The following SP4 variants were observed in gnomAD, a reference collection of about 807,000 sequenced individuals.
SP4 encodes the protein Sp4 transcription factor.
A neutral mutation model predicts 72.8 loss-of-function variants in SP4; 19 were observed. That is an observed-to-expected ratio of 0.26 (90% confidence interval 0.18 to 0.38). SP4 has a LOEUF of 0.38. Ranked by LOEUF, SP4 falls within the 10% of genes least tolerant of loss-of-function variation. The pLI, the probability that SP4 is intolerant of heterozygous loss-of-function variation, is 1.00. For missense variants in SP4, 1,008 were observed against 926.3 expected, an observed-to-expected ratio of 1.09 and a Z score of -1.14; for synonymous variants, 395 against 333.1, an observed-to-expected ratio of 1.19 and a Z score of -2.02.
At chr7:21,447,020 G>A (rs2128396861) in intron 3 of SP4, among the ~76,000 whole-genome samples, 1 of 152,270 alleles carries the variant, frequency 6.6e-6, no homozygotes, top group East Asian at 1.9e-4. Context: ...CACATGTCCA[G>A]CCTTCAGCAA....
At chr7:21,496,390 T>C (rs1583443522) in intron 5 of SP4, among the ~76,000 whole-genome samples, 1 of 152,216 alleles carries the variant, frequency 6.6e-6, no homozygotes, top group East Asian at 1.9e-4. Flanking sequence ...CATGCCTCAG[T>C]ATCAGGCAAA....
At chr7:21,509,099 G>T (rs1049458905) in intron 5 of SP4, among the ~76,000 whole-genome samples, 2 of 151,734 alleles carry the variant, frequency 1.3e-5, no homozygotes, top group Non-Finnish European at 2.9e-5. Flanking sequence ...TGTTGGCTTC[G>T]TCAGAATGTT....
chr7:21,476,228 C>T (rs28600359), intron 3 of SP4, among the ~76,000 whole-genome samples: 32,682 of 137,408 alleles, frequency 0.24, 3,835 homozygotes, highest in South Asian at 0.37. Context: ...GAGCCGAGAT[C>T]GTGCTACTGC....
rs781374282 is a variant in SP4 at position 21,430,210 on chromosome 7, A to G, written c.1045A>G (p.Ser349Gly). ...VSSADTGQYA[S>G]TSASSSERTI... ...CTCAGCAGATACTGGCCAGTATGCA[A>G]GCACATCAGCCAGTAGTTCTGAACG... Residue 349 changes from serine (S) to glycine (G), a missense_variant, in exon 3 of 6, where the codon AGC becomes GGC. Physicochemically the swap from Ser to Gly is moderately conservative, Grantham distance 56. Around this residue, in one of 3 missense-constraint regions of SP4, gnomAD observed 893 missense variants for 743.3 expected, o/e 1.20. Transcript: ENST00000222584. 1.2e-6 allele frequency: 2 copies of G among 1,614,198 alleles called. No individual in the cohort carries two copies. Among genetic ancestry groups the G allele is most frequent in the South Asian group, 1.1e-5 (1 of 91,086 alleles).
chr7:21,438,172 A>G lies in SP4; in HGVS notation c.1678+7329A>G, dbSNP rs113003337. Among the ~76,000 whole-genome samples the G allele has an allele frequency of 9.5e-4, 144 of 152,330 alleles. 2 individuals carry two copies. Among genetic ancestry groups the G allele is most frequent in the South Asian group, 4.3e-3 (21 of 4,830 alleles). On this transcript the variant is annotated intron_variant, in intron 3 of 5. Transcript: ENST00000222584. ...GATGTTCATCGGTCAAAGATTTTGT[A>G]GACTGCAGAAGAATTTCTTGTACCA...
chr7:21,464,631 A>G (rs1049932627), intron 3 of SP4, among the ~76,000 whole-genome samples: 1 of 149,018 alleles, frequency 6.7e-6, no homozygotes, highest in African/African-American at 2.5e-5. Flanking sequence ...CCCTGGCTAG[A>G]CTCAAACTCC....
intron 3 of SP4, among the ~76,000 whole-genome samples, chr7:21,444,955 C>T (rs1783375319): frequency 6.6e-6 from 1 of 152,092 alleles, no homozygotes; most frequent in South Asian, 2.1e-4. Flanking sequence ...TGCTCCACTC[C>T]TTGTGTTCTT....
chr7:21,437,696 C>T (rs1182089611), intron 3 of SP4, among the ~76,000 whole-genome samples: 2 of 152,114 alleles, frequency 1.3e-5, no homozygotes, highest in Admixed American at 1.3e-4. Context: ...GAATTACATA[C>T]CTACAAGGTA....
chr7:21,497,053 T>C (rs1781727630), intron 5 of SP4, among the ~76,000 whole-genome samples: 1 of 152,242 alleles, frequency 6.6e-6, no homozygotes, highest in East Asian at 1.9e-4. Context: ...TTTTGGTTAG[T>C]CTATTGTTTG....
intron 3 of SP4, among the ~76,000 whole-genome samples, chr7:21,440,828 C>T (rs1783217583): frequency 6.6e-6 from 1 of 152,048 alleles, no homozygotes; most frequent in African/African-American, 2.4e-5. Flanking sequence ...TCAGTCTGGG[C>T]AACAGAACGG....
intron 2 of SP4, 38 bp from the exon 3 acceptor site, chr7:21,429,251 T>TCCCCCCCCCCCCC: frequency 9.7e-7 from 1 of 1,026,092 alleles, no homozygotes; most frequent in Non-Finnish European, 1.4e-6. Flanking sequence ...CCACTTTTTT[T>TCCCCCCCCCCCCC]CCCCCCCCCC....
intron 5 of SP4, among the ~76,000 whole-genome samples, chr7:21,491,694 C>T (rs80056447): frequency 2.0e-5 from 3 of 152,222 alleles, no homozygotes; most frequent in Middle Eastern, 3.4e-3. Context: ...CAAATTATGG[C>T]GGATTTCTTC....
intron 3 of SP4, among the ~76,000 whole-genome samples, chr7:21,460,743 T>C (rs943444132): frequency 5.3e-5 from 8 of 152,172 alleles, no homozygotes; most frequent in African/African-American, 1.9e-4. Context: ...GTTCTCCACG[T>C]CACCACTAGA....
intron 5 of SP4, among the ~76,000 whole-genome samples, chr7:21,500,333 AT>A (rs1345120340): frequency 6.6e-6 from 1 of 152,210 alleles, no homozygotes; most frequent in East Asian, 1.9e-4. Context: ...GTTATATCAT[AT>A]GTAACTAGAT....
At chr7:21,447,857 T>C (rs1783476045) in intron 3 of SP4, among the ~76,000 whole-genome samples, 1 of 152,178 alleles carries the variant, frequency 6.6e-6, no homozygotes, top group South Asian at 2.1e-4. Context: ...CTAATTTTTG[T>C]ATTGTTACTA....
Position 21,429,399 on chromosome 7 carries a change from A to G in SP4, c.234A>G (p.Gln78=), listed in dbSNP as rs34515661. 2,955 of 1,614,134 alleles carry G rather than the reference A, an allele frequency of 1.8e-3. 48 individuals carry two copies. The African/African-American group carries it at 0.034, about 19-fold the overall frequency. ...AACAAATTATTATAGATCCAAGTCA[A>G]GGATTGGTGCAACTTCAAAATCAAC... ...GQQQIIIDPS[Q]GLVQLQNQPQ... Residue 78 remains glutamine (Q), a synonymous_variant, in exon 3 of 6, where the codon CAA becomes CAG. Coordinates refer to ENST00000222584, the MANE Select transcript of SP4 (RefSeq NM_003112.5).
intron 3 of SP4, among the ~76,000 whole-genome samples, chr7:21,462,639 A>G (rs1051653209): frequency 6.6e-6 from 1 of 152,212 alleles, no homozygotes; most frequent in Admixed American, 6.5e-5. Flanking sequence ...TTGCATGGAG[A>G]TGGTGTAGAA....
At chr7:21,509,186 A>G (rs1337048026) in intron 5 of SP4, among the ~76,000 whole-genome samples, 3 of 152,150 alleles carry the variant, frequency 2.0e-5, no homozygotes, top group East Asian at 1.9e-4. Flanking sequence ...GTAATAGTTC[A>G]GAAGTTTCTC....
At chr7:21,495,800 CAT>C (rs1491314073) in intron 5 of SP4, among the ~76,000 whole-genome samples, 3 of 149,782 alleles carry the variant, frequency 2.0e-5, no homozygotes, top group East Asian at 2.2e-4. Flanking sequence ...TGTGAGTGTG[CAT>C]GTGTGTGTGT....
Sources: allele counts gnomAD v4.1 joint callset (sites outside exome capture counted in the v4.1 genomes callset), GRCh38; gene constraint gnomAD v4.1.1; regional missense constraint gnomAD v4.1.1; transcripts MANE v1.5; gene names NCBI Gene and HGNC (gene_info 2026-07-23, HGNC 2026-07-21).